Variants in HECW1 observed in about 807,000 individuals in gnomAD.
The protein encoded by HECW1 is E3 ubiquitin-protein ligase HECW1.
A neutral mutation model predicts 182.3 loss-of-function variants in HECW1; 61 were observed. The observed-to-expected ratio is 0.33, with a 90% confidence interval of 0.27 to 0.41. The LOEUF (loss-of-function observed/expected upper bound fraction) is 0.41. Ranked by LOEUF, HECW1 falls within the 10% of genes least tolerant of loss-of-function variation. HECW1 has a pLI of 1.00. For missense variants in HECW1, 1,739 were observed against 2,108.9 expected, an observed-to-expected ratio of 0.82 and a Z score of 3.44; for synonymous variants, 859 against 832.6, an observed-to-expected ratio of 1.03 and a Z score of -0.55.
chr7:43,124,278 T>C (rs1398193711), intron 2 of HECW1, among the ~76,000 whole-genome samples: 1 of 152,240 alleles, frequency 6.6e-6, no homozygotes, highest in Non-Finnish European at 1.5e-5. Context: ...TAGCACATGT[T>C]GGTATAAATT....
intron 2 of HECW1, among the ~76,000 whole-genome samples, chr7:43,171,658 A>G (rs934801853): frequency 6.6e-5 from 10 of 152,260 alleles, no homozygotes; most frequent in African/African-American, 2.4e-4. Context: ...CTAGAAAAAT[A>G]TCTAAGCCTG....
At chr7:43,127,960 C>T (rs937424022) in intron 2 of HECW1, among the ~76,000 whole-genome samples, 3 of 152,012 alleles carry the variant, frequency 2.0e-5, no homozygotes, top group Non-Finnish European at 2.9e-5. Context: ...CTCACTGCAA[C>T]CTCGGCTTCC....
intron 26 of HECW1, among the ~76,000 whole-genome samples, chr7:43,546,749 C>T (rs2081581516): frequency 6.6e-6 from 1 of 152,148 alleles, no homozygotes; most frequent in African/African-American, 2.4e-5. Context: ...TTGTTGGCAG[C>T]TGGTGTTATC....
intron 2 of HECW1, chr7:43,118,926 A>G (rs144879555): frequency 2.0e-5 from 3 of 152,066 alleles, no homozygotes; most frequent in Non-Finnish European, 4.4e-5. Flanking sequence ...CCCATGATGG[A>G]TTTTCTGTTT....
intron 2 of HECW1, among the ~76,000 whole-genome samples, chr7:43,196,066 C>A (rs1794431615): frequency 6.6e-6 from 1 of 152,170 alleles, no homozygotes; most frequent in Non-Finnish European, 1.5e-5. Flanking sequence ...AAGCTCATAG[C>A]TTCTGCAGCT....
At chr7:43,170,966 G>C (rs542899795) in intron 2 of HECW1, among the ~76,000 whole-genome samples, 1 of 152,300 alleles carries the variant, frequency 6.6e-6, no homozygotes, top group East Asian at 1.9e-4. Flanking sequence ...AATGAAACCA[G>C]TGTCCTTGAG....
At chr7:43,329,555 C>T (rs1811207584) in intron 5 of HECW1, among the ~76,000 whole-genome samples, 1 of 151,808 alleles carries the variant, frequency 6.6e-6, no homozygotes, top group Non-Finnish European at 1.5e-5. Context: ...TGGATGTGTG[C>T]CTGGGGAGAG....
chr7:43,380,557 T>G (rs1291307995), intron 6 of HECW1, among the ~76,000 whole-genome samples: 1 of 152,146 alleles, frequency 6.6e-6, no homozygotes, highest in Admixed American at 6.5e-5. Context: ...GATGAAGTTT[T>G]GCTCTTGTTA....
chr7:43,502,651 AC>A (rs975402938), intron 21 of HECW1, among the ~76,000 whole-genome samples: 2 of 152,098 alleles, frequency 1.3e-5, no homozygotes, highest in Non-Finnish European at 2.9e-5. Flanking sequence ...ACAGAGCAAG[AC>A]CCTGTCTCAA....
chr7:43,317,815 G>A (rs1016394088), intron 4 of HECW1, among the ~76,000 whole-genome samples: 8 of 112,912 alleles, frequency 7.1e-5, no homozygotes, highest in East Asian at 2.0e-4. Context: ...ATTATTGTGT[G>A]TGTGTGTGTG....
intron 2 of HECW1, among the ~76,000 whole-genome samples, chr7:43,173,759 A>G (rs1025632611): frequency 1.3e-5 from 2 of 152,160 alleles, no homozygotes; most frequent in African/African-American, 2.4e-5. Flanking sequence ...CTATTGGTCT[A>G]TGGTCCAGGA....
At chr7:43,378,497 G>A (rs190359311) in intron 6 of HECW1, among the ~76,000 whole-genome samples, 2 of 152,182 alleles carry the variant, frequency 1.3e-5, no homozygotes, top group South Asian at 2.1e-4. Context: ...TCCCAAATAC[G>A]CATGGTTAAA....
intron 3 of HECW1, among the ~76,000 whole-genome samples, chr7:43,297,987 T>C (rs1806255504): frequency 6.6e-6 from 1 of 152,110 alleles, no homozygotes; most frequent in South Asian, 2.1e-4. Context: ...GGCAGAAGGA[T>C]AGCTTGAGCC....
At chr7:43,323,156 A>G (rs1810344278) in intron 5 of HECW1, among the ~76,000 whole-genome samples, 1 of 152,220 alleles carries the variant, frequency 6.6e-6, no homozygotes, top group Non-Finnish European at 1.5e-5. Context: ...TTGTAAATTA[A>G]TCCAGCCCTA....
At chr7:43,394,894 T>C (rs770291433) in intron 6 of HECW1, among the ~76,000 whole-genome samples, 3 of 152,050 alleles carry the variant, frequency 2.0e-5, no homozygotes, top group Non-Finnish European at 2.9e-5. Flanking sequence ...GATAACTTGG[T>C]GGGGCAGGGT....
rs571160489 is a variant in HECW1 at position 43,293,493 on chromosome 7, A to C, written c.28-18270A>C. On this transcript the variant is annotated intron_variant, in intron 3 of 29. Coordinates refer to ENST00000395891, the MANE Select transcript of HECW1 (RefSeq NM_015052.5). ...GTAGCCTCTGGTCCTTTTGTTACTT[A>C]AGCATGGAAAGTTAGGGTTTTCCTT... 4.6e-5 allele frequency among the ~76,000 whole-genome samples: 7 copies of C among 152,284 alleles called. No homozygotes were observed. The South Asian group carries it at 6.2e-4, about 14-fold the overall frequency.
At chr7:43,175,436 C>A (rs935578507) in intron 2 of HECW1, among the ~76,000 whole-genome samples, 1 of 152,180 alleles carries the variant, frequency 6.6e-6, no homozygotes, top group Non-Finnish European at 1.5e-5. Flanking sequence ...TCCCAGCATA[C>A]AGGAAGGTTA....
At chr7:43,304,995 G>T (rs998081397) in intron 3 of HECW1, among the ~76,000 whole-genome samples, 1 of 152,226 alleles carries the variant, frequency 6.6e-6, no homozygotes, top group African/African-American at 2.4e-5. Flanking sequence ...CTCCATTGAG[G>T]CCAGAGAGGA....
intron 23 of HECW1, 141 bp from the exon 24 acceptor site, chr7:43,508,828 G>A: frequency 4.0e-6 from 3 of 743,050 alleles, no homozygotes; most frequent in South Asian, 3.7e-5. Flanking sequence ...GCTGCCATTG[G>A]CATTCACTCC....
Sources: gnomAD v4.1 joint callset for allele counts (sites outside exome capture counted in the v4.1 genomes callset) on GRCh38, gnomAD v4.1.1 for gene constraint, MANE v1.5 for transcripts, NCBI Gene and HGNC (gene_info 2026-07-23, HGNC 2026-07-21) for gene names.